Variants in BBS9 observed in about 807,000 individuals in gnomAD.
The protein encoded by BBS9 is Bardet-Biedl syndrome 9, also known as protein PTHB1.
Under a neutral mutation model 117.7 loss-of-function variants are expected in BBS9, and 89 were observed. The observed-to-expected ratio is 0.76, with a 90% CI of 0.64 to 0.90. The LOEUF is 0.90. BBS9 is among the 40% of genes least tolerant of loss of function. The pLI, the probability that BBS9 is intolerant of heterozygous loss-of-function variation, is 0.00. For synonymous variants in BBS9, 379 were observed against 370.9 expected (o/e 1.02, Z -0.25); for missense variants, 982 against 1,042.2 (o/e 0.94, Z 0.80).
chr7:33,353,678 T>G lies in BBS9; in HGVS notation c.1552+805T>G, dbSNP rs886666750. Reference sequence around the variant, plus strand: ...GATACATTTTAGATAGCAATATTAATTAGTAATAATTAAATAAATATAATG... The same window carrying G: ...GATACATTTTAGATAGCAATATTAAGTAGTAATAATTAAATAAATATAATG... On this transcript the variant is annotated intron_variant, in intron 15 of 22. Coordinates refer to ENST00000242067, the MANE Select transcript of BBS9 (RefSeq NM_198428.3). Among the ~76,000 whole-genome samples the G allele has an allele frequency of 6.6e-4, 101 of 152,162 alleles. No individual in the cohort carries two copies. The Middle Eastern group carries it at 0.017, about 26-fold the overall frequency.
chr7:33,174,139 T>G (rs186773737), intron 4 of BBS9, among the ~76,000 whole-genome samples: 37 of 152,298 alleles, frequency 2.4e-4, no homozygotes, highest in African/African-American at 8.9e-4. Context: ...CAAACCCAGT[T>G]TGGATCAGAA....
rs1442195795 is a variant in BBS9, at chr7:33,605,281, T to C, written c.*55T>C. ...CATCCCCATCTCAAGGCCGAACCTG[T>C]GTGAACCTCATGCCAAGCACAGATA... is the stretch of plus-strand genomic sequence containing the variant. On this transcript the variant is annotated 3_prime_UTR_variant, in exon 23 of 23. Coordinates refer to ENST00000242067, the MANE Select transcript of BBS9 (RefSeq NM_198428.3). 7 of 1,553,074 alleles carry C rather than the reference T, an allele frequency of 4.5e-6. 1 individual carries two copies. Among genetic ancestry groups the C allele is most frequent in the Admixed American group, 3.3e-5 (2 of 59,910 alleles).
chr7:33,497,701 A>T (rs939815955), intron 19 of BBS9, among the ~76,000 whole-genome samples: 13 of 152,154 alleles, frequency 8.5e-5, no homozygotes, highest in Non-Finnish European at 4.4e-5. Flanking sequence ...GGAGTGGATA[A>T]AGGGAAATCC....
intron 19 of BBS9, among the ~76,000 whole-genome samples, chr7:33,488,993 T>C (rs1585001721): frequency 7.1e-6 from 1 of 140,492 alleles, no homozygotes; most frequent in East Asian, 2.0e-4. Context: ...GACTTCTTTT[T>C]TTTTTTTTTT....
chr7:33,291,460 C>A (rs544642315), intron 9 of BBS9, among the ~76,000 whole-genome samples: 1 of 152,202 alleles, frequency 6.6e-6, no homozygotes, highest in South Asian at 2.1e-4. Context: ...ACATATCTTT[C>A]TTTCAGCTTG....
At position 33,152,554 on chromosome 7, in the gene BBS9, T is replaced by C. The variant is rs1406606; in HGVS notation, c.113-147T>C. On this transcript the variant is annotated intron_variant, in intron 2 of 22. Transcript: ENST00000242067. ...AATAAGTACTCTTTAATTACACCTT[T>C]TTTGACAGAGTGGCCTTTGTGTATA... 0.18 allele frequency: 128,045 copies of C among 714,826 alleles called. 12,170 individuals carry two copies. Among genetic ancestry groups the C allele is most frequent in the South Asian group, 0.23 (12,070 of 52,756 alleles). 44.3% of individuals were successfully genotyped at this position (714,826 alleles called of 1,614,324 possible).
At chr7:33,215,180 G>A (rs1004890647) in intron 5 of BBS9, among the ~76,000 whole-genome samples, 3 of 152,080 alleles carry the variant, frequency 2.0e-5, no homozygotes, top group Non-Finnish European at 2.9e-5. Flanking sequence ...GCAACAGAGC[G>A]AGACTCCGTC....
chr7:33,366,706 G>A (rs1208378153), intron 16 of BBS9, among the ~76,000 whole-genome samples: 4 of 151,588 alleles, frequency 2.6e-5, no homozygotes, highest in Admixed American at 2.0e-4. Flanking sequence ...CACCACACCC[G>A]GCTAATATTT....
At chr7:33,196,812 T>C (rs983778496) in intron 5 of BBS9, among the ~76,000 whole-genome samples, 1 of 152,162 alleles carries the variant, frequency 6.6e-6, no homozygotes, top group African/African-American at 2.4e-5. Context: ...ATACATGGCA[T>C]TCATTTATAA....
At chr7:33,534,786 G>T (rs1402779243) in intron 21 of BBS9, among the ~76,000 whole-genome samples, 4 of 152,132 alleles carry the variant, frequency 2.6e-5, no homozygotes, top group Non-Finnish European at 4.4e-5. Context: ...GCAGTCAGTC[G>T]TGCAGCCCTC....
At chr7:33,423,110 T>C (rs1314667385) in intron 19 of BBS9, among the ~76,000 whole-genome samples, 2 of 152,098 alleles carry the variant, frequency 1.3e-5, no homozygotes, top group Non-Finnish European at 2.9e-5. Context: ...AGGTAGAAAG[T>C]CAGCCAAATT....
At chr7:33,208,545 T>C (rs1787393996) in intron 5 of BBS9, among the ~76,000 whole-genome samples, 1 of 152,238 alleles carries the variant, frequency 6.6e-6, no homozygotes, top group Non-Finnish European at 1.5e-5. Flanking sequence ...TGCTTTCTTC[T>C]GTTCTTTTTC....
chr7:33,627,772 T>TG (rs1865710805), intron 21 of BBS9, among the ~76,000 whole-genome samples: 1 of 152,138 alleles, frequency 6.6e-6, no homozygotes, highest in East Asian at 1.9e-4. Context: ...CCACACAGGC[T>TG]GGGCATGGGG....
At chr7:33,321,380 G>GT (rs1811682782) in intron 9 of BBS9, among the ~76,000 whole-genome samples, 1 of 151,732 alleles carries the variant, frequency 6.6e-6, no homozygotes, top group Non-Finnish European at 1.5e-5. Flanking sequence ...ATATCTTTCC[G>GT]TTTTTTTCTG....
intron 19 of BBS9, among the ~76,000 whole-genome samples, chr7:33,437,453 C>A (rs2128890285): frequency 6.6e-6 from 1 of 152,272 alleles, no homozygotes; most frequent in South Asian, 2.1e-4. Context: ...ATTTCCAATT[C>A]TGAGGGGAAA....
chr7:33,266,687 G>A (rs889505557), intron 7 of BBS9, among the ~76,000 whole-genome samples: 1 of 152,008 alleles, frequency 6.6e-6, no homozygotes, highest in Non-Finnish European at 1.5e-5. Flanking sequence ...ATCTTTGACT[G>A]TAATTGTGGA....
At chr7:33,538,909 C>A (rs993348329) in intron 21 of BBS9, among the ~76,000 whole-genome samples, 5 of 152,096 alleles carry the variant, frequency 3.3e-5, no homozygotes, top group Non-Finnish European at 7.4e-5. Flanking sequence ...CTGTCTACTT[C>A]TTTGTTTTCT....
intron 5 of BBS9, among the ~76,000 whole-genome samples, chr7:33,190,741 AGGC>A (rs1332605106): frequency 2.0e-5 from 3 of 152,224 alleles, no homozygotes; most frequent in African/African-American, 7.2e-5. Flanking sequence ...TCCAACTCAC[AGGC>A]TCTGGTTGGG....
chr7:33,520,706 T>A (rs1848473068), intron 20 of BBS9, among the ~76,000 whole-genome samples: 1 of 152,164 alleles, frequency 6.6e-6, no homozygotes, highest in African/African-American at 2.4e-5. Context: ...TAGTGTGAGA[T>A]GGTGAATAAG....
Sources: allele counts gnomAD v4.1 joint callset (sites outside exome capture counted in the v4.1 genomes callset), GRCh38; gene constraint gnomAD v4.1.1; transcripts MANE v1.5; gene names NCBI Gene and HGNC (gene_info 2026-07-23, HGNC 2026-07-21).